FBXW2: variants seen among roughly 807,000 people sequenced by gnomAD.
FBXW2 encodes F-box/WD repeat-containing protein 2.
Under a neutral mutation model 46.0 loss-of-function variants are expected in FBXW2, and 12 were observed. The ratio of observed to expected loss-of-function variants is 0.26; its 90% confidence interval spans 0.17 to 0.42. The LOEUF is 0.42. Ranked by LOEUF, FBXW2 falls within the 10% of genes least tolerant of loss-of-function variation. The pLI, the probability that FBXW2 is intolerant of heterozygous loss-of-function variation, is 1.00. For missense variants in FBXW2, 360 were observed against 537.0 expected (o/e 0.67, Z 3.26); for synonymous variants, 203 against 209.6 (o/e 0.97, Z 0.27).
At chr9:120,786,624 C>A (rs984749692) in intron 3 of FBXW2, among the ~76,000 whole-genome samples, 1 of 152,080 alleles carries the variant, frequency 6.6e-6, no homozygotes, top group African/African-American at 2.4e-5. Flanking sequence ...ACAGTTTATA[C>A]CGTAATACAC....
At position 120,784,062 on chromosome 9, in the gene FBXW2, C is replaced by G. The variant is rs145463839; in HGVS notation, c.490+3707G>C. Among the ~76,000 whole-genome samples the G allele has an allele frequency of 3.2e-3, 491 of 152,244 alleles. 4 individuals carry two copies. Among genetic ancestry groups the G allele is most frequent in the African/African-American group, 0.011 (470 of 41,544 alleles). On this transcript the variant is annotated intron_variant, in intron 3 of 7. Transcript: ENST00000608872. ...GGATGCTGCTGTTAGAAAAATTAAA[C>G]TAATACTTTGGATCATTTTCAACCA...
intron 2 of FBXW2, among the ~76,000 whole-genome samples, chr9:120,788,744 G>A (rs770413513): frequency 1.3e-5 from 2 of 152,136 alleles, no homozygotes; most frequent in Non-Finnish European, 2.9e-5. Flanking sequence ...ATCAGAAACA[G>A]TCTCCTGAGC....
chr9:120,766,837 G>T (rs1564449686), intron 7 of FBXW2, among the ~76,000 whole-genome samples: 1 of 152,180 alleles, frequency 6.6e-6, no homozygotes, highest in African/African-American at 2.4e-5. Context: ...AAAACATCTT[G>T]CCATGAGTCA....
chr9:120,784,188 A>C (rs1258540609), intron 3 of FBXW2, among the ~76,000 whole-genome samples: 2 of 152,254 alleles, frequency 1.3e-5, no homozygotes, highest in African/African-American at 4.8e-5. Context: ...TAAAATGTAG[A>C]ATTGTAGATA....
intron 2 of FBXW2, among the ~76,000 whole-genome samples, chr9:120,791,308 C>T (rs920509945): frequency 7.9e-5 from 12 of 152,142 alleles, no homozygotes; most frequent in African/African-American, 2.4e-4. Flanking sequence ...AGTGAGTTTC[C>T]CATTACCACG....
chr9:120,793,173 G>C lies in FBXW2; in HGVS notation c.-45C>G. 8.7e-6 allele frequency: 5 copies of C among 576,398 alleles called. No homozygotes were observed. Among genetic ancestry groups the C allele is most frequent in the South Asian group, 6.6e-5 (3 of 45,744 alleles). The allele number at this position is 576,398 out of a possible 1,614,324, so 35.7% of individuals were successfully genotyped here. A position where few individuals can be genotyped will look rare whatever the true frequency, so the allele number is the denominator to read the frequency against. On this transcript the variant is annotated 5_prime_UTR_variant, in exon 2 of 8. Transcript: ENST00000608872. ...CCTGAGCGAGCGCCCCGGGGCCCGG[G>C]ACCTCGCGCCGGGTTCACAGCTACT...
chr9:120,769,496 C>T (rs187441364), intron 7 of FBXW2, among the ~76,000 whole-genome samples: 1 of 152,258 alleles, frequency 6.6e-6, no homozygotes, highest in Admixed American at 6.5e-5. Context: ...CCAAATTAAA[C>T]CCTTTAGAGA....
chr9:120,770,423 C>T (rs1398207343), intron 7 of FBXW2, among the ~76,000 whole-genome samples: 1 of 151,796 alleles, frequency 6.6e-6, no homozygotes, highest in Non-Finnish European at 1.5e-5. Context: ...TTTCTGTACT[C>T]CTCCAAGTCC....
At chr9:120,785,823 C>T (rs1199119081) in intron 3 of FBXW2, among the ~76,000 whole-genome samples, 1 of 151,756 alleles carries the variant, frequency 6.6e-6, no homozygotes, top group East Asian at 1.9e-4. Context: ...AGTTTGAGAC[C>T]AGCCTGGGCA....
chr9:120,764,300 C>T lies in FBXW2; in HGVS notation c.*259G>A, dbSNP rs886780369. ...AAGAAAGATGAACCCAAAATGCATC[C>T]TCTAACACTGACCAACATAACTAAG... On this transcript the variant is annotated 3_prime_UTR_variant, in exon 8 of 8. Coordinates refer to ENST00000608872, the MANE Select transcript of FBXW2 (RefSeq NM_012164.4). 1 of 494,064 alleles carries T rather than the reference C, an allele frequency of 2.0e-6. No homozygotes were observed. The highest frequency in any genetic ancestry group is 3.6e-6 in the Non-Finnish European group (1 of 277,456). 30.6% of individuals were successfully genotyped at this position (494,064 alleles called of 1,614,324 possible).
At chr9:120,791,249 G>C (rs1049644567) in intron 2 of FBXW2, among the ~76,000 whole-genome samples, 4 of 152,158 alleles carry the variant, frequency 2.6e-5, no homozygotes, top group Admixed American at 2.0e-4. Context: ...AACATGAGGA[G>C]CTTTTAAATC....
At chr9:120,765,164 G>A (rs1290141508) in intron 7 of FBXW2, among the ~76,000 whole-genome samples, 3 of 150,572 alleles carry the variant, frequency 2.0e-5, no homozygotes, top group East Asian at 3.9e-4. Flanking sequence ...GCGTGATCTC[G>A]GCTCACTGCA....
chr9:120,787,620 G>A, intron 3 of FBXW2, 149 bp downstream of exon 3: 1 of 707,550 alleles, frequency 1.4e-6, no homozygotes, highest in African/African-American at 1.8e-5. Context: ...GAGGATAAGG[G>A]GGGGGAACCA....
rs761245482 is a variant in FBXW2 at position 120,764,394 on chromosome 9, C to G, written c.*165G>C. The G allele has an allele frequency of 5.7e-5, 40 of 703,614 alleles. No individual in the cohort carries two copies. The highest frequency in any genetic ancestry group is 8.6e-5 in the Admixed American group (3 of 34,936). 43.6% of individuals were successfully genotyped at this position (703,614 alleles called of 1,614,324 possible). Reference sequence around the variant, plus strand: ...TATGTCAATAAAACAAGCCCTCCCCCACCCCGAGCCCTGGCCCCTGGCAAA... The same window carrying G: ...TATGTCAATAAAACAAGCCCTCCCCGACCCCGAGCCCTGGCCCCTGGCAAA... On this transcript the variant is annotated 3_prime_UTR_variant, in exon 8 of 8. Transcript: ENST00000608872.
chr9:120,787,946 A>T lies in FBXW2; in HGVS notation c.313T>A (p.Leu105Met), dbSNP rs1248193224. 7.4e-6 allele frequency: 12 copies of T among 1,614,144 alleles called. No homozygotes were observed. The highest frequency in any genetic ancestry group is 1.0e-5 in the Non-Finnish European group (12 of 1,180,038). The stretch of plus-strand genomic sequence containing the variant: ...ACAGAATCATCTATCTGCCAGCCCA[A>T]ATTTTTACATGCAGTCTGCCACACC... ...TEVWQTACKN[L>M]GWQIDDSVQD... is the part of the protein sequence containing the mutation. Residue 105 changes from leucine to methionine, a missense_variant, in exon 3 of 8, where the codon TTG (leucine) becomes ATG (methionine). Leu to Met is a conservative substitution (Grantham distance 15, BLOSUM62 2). Transcript: ENST00000608872.
chr9:120,777,680 T>C (rs1484532442), intron 4 of FBXW2, among the ~76,000 whole-genome samples: 2 of 151,482 alleles, frequency 1.3e-5, no homozygotes, highest in East Asian at 3.9e-4. Context: ...GGCTGGGAAA[T>C]AGCTCAATTT....
chr9:120,768,680 GGCA>G (rs2044318296), intron 7 of FBXW2, among the ~76,000 whole-genome samples: 1 of 152,002 alleles, frequency 6.6e-6, no homozygotes. Context: ...AAATTAGCTG[GGCA>G]TCATGGCAGG....
At chr9:120,781,635 TAC>T (rs1161130344) in intron 3 of FBXW2, among the ~76,000 whole-genome samples, 3,123 of 43,450 alleles carry the variant, frequency 0.072, 61 homozygotes, top group South Asian at 0.084. Context: ...TTTATATACA[TAC>T]ACACACACAC....
At chr9:120,776,752 AT>A (rs2044505441) in intron 4 of FBXW2, 1 of 153,684 alleles carries the variant, frequency 6.5e-6, no homozygotes, top group Non-Finnish European at 1.4e-5. Context: ...TCACAGCTGT[AT>A]CCCCAGCGCC....
Sources: gnomAD v4.1 joint callset for allele counts (sites outside exome capture counted in the v4.1 genomes callset) on GRCh38, gnomAD v4.1.1 for gene constraint, MANE v1.5 for transcripts, NCBI Gene and HGNC (gene_info 2026-07-23, HGNC 2026-07-21) for gene names.